Variants in TLN2 observed in about 807,000 individuals in gnomAD.
The protein encoded by TLN2 is talin 2, also known as talin-2.
Under a neutral mutation model 294.7 loss-of-function variants are expected in TLN2, and 118 were observed. The observed-to-expected ratio is 0.40, with a 90% CI of 0.34 to 0.47. The LOEUF (loss-of-function observed/expected upper bound fraction) is 0.47, where lower values mean the gene tolerates loss of function less well. Ranked by LOEUF, TLN2 falls within the 20% of genes least tolerant of loss-of-function variation. The pLI is 0.84. For missense variants in TLN2, 3,083 were observed against 3,282.2 expected (o/e 0.94, Z 1.48); for synonymous variants, 1,431 against 1,304.5 (o/e 1.10, Z -2.09).
intron 18 of TLN2, 44 bp downstream of exon 18, chr15:62,702,244 G>T: frequency 6.5e-7 from 1 of 1,531,542 alleles, no homozygotes; most frequent in South Asian, 1.2e-5. Flanking sequence ...TGATGGGACA[G>T]CTGCATCCAC....
chr15:62,454,039 A>T (rs2036317509), intron 1 of TLN2, among the ~76,000 whole-genome samples: 1 of 152,082 alleles, frequency 6.6e-6, no homozygotes, highest in Admixed American at 6.5e-5. Flanking sequence ...TGCCTGCTGC[A>T]AGGGCCCCTG....
Position 62,402,518 on chromosome 15 carries a change from C to T in TLN2, c.-238+11833C>T, listed in dbSNP as rs556923930. Among the ~76,000 whole-genome samples, 44 of 152,288 alleles carry T rather than the reference C, an allele frequency of 2.9e-4. No homozygotes were observed. The South Asian group carries it at 6.8e-3, about 24-fold the overall frequency. The stretch of plus-strand genomic sequence containing the variant: ...ACCCTCAACTACCTTGACCTTTCCC[C>T]GCTTTGTCTTACTGTCCTCGGAAAG... On this transcript the variant is annotated intron_variant, in intron 1 of 58. Transcript: ENST00000636159.
intron 12 of TLN2, among the ~76,000 whole-genome samples, chr15:62,689,511 T>G (rs2057593720): frequency 6.6e-6 from 1 of 152,176 alleles, no homozygotes; most frequent in Non-Finnish European, 1.5e-5. Context: ...AGCCTTCTTC[T>G]GTTATCATTT....
At chr15:62,620,581 CA>C (rs936197939) in intron 3 of TLN2, among the ~76,000 whole-genome samples, 18 of 151,720 alleles carry the variant, frequency 1.2e-4, no homozygotes, top group African/African-American at 3.9e-4. Flanking sequence ...TGGGCTCAAG[CA>C]ATCCTCCTAC....
intron 12 of TLN2, among the ~76,000 whole-genome samples, chr15:62,689,843 C>CTTTTT (rs2057625580): frequency 5.9e-5 from 1 of 16,972 alleles, no homozygotes; most frequent in Non-Finnish European, 2.1e-4. Context: ...TTGGTATGGG[C>CTTTTT]TTCTTTTTTT....
At chr15:62,551,486 A>G (rs2042301471) in intron 1 of TLN2, among the ~76,000 whole-genome samples, 2 of 150,968 alleles carry the variant, frequency 1.3e-5, no homozygotes, top group South Asian at 2.1e-4. Flanking sequence ...CCTGGCCAAC[A>G]TAGTGAAAGC....
chr15:62,622,216 A>G (rs894095303), intron 3 of TLN2, among the ~76,000 whole-genome samples: 1 of 152,234 alleles, frequency 6.6e-6, no homozygotes, highest in African/African-American at 2.4e-5. Flanking sequence ...ACTGAGGATC[A>G]GAAAATTAAA....
intron 21 of TLN2, among the ~76,000 whole-genome samples, chr15:62,711,407 C>T (rs1040861128): frequency 3.9e-5 from 6 of 152,130 alleles, no homozygotes; most frequent in Non-Finnish European, 7.4e-5. Context: ...AGCTAATAAG[C>T]GAAGGCCAAA....
intron 2 of TLN2, among the ~76,000 whole-genome samples, chr15:62,602,635 G>A (rs1358389110): frequency 6.6e-6 from 1 of 152,176 alleles, no homozygotes; most frequent in East Asian, 1.9e-4. Flanking sequence ...AGTGTCTGGT[G>A]AGGGTGCACT....
Position 62,455,340 on chromosome 15 carries a change from A to G in TLN2, c.-238+64655A>G, listed in dbSNP as rs141764189. Among the ~76,000 whole-genome samples the G allele has an allele frequency of 6.6e-3, 999 of 152,226 alleles. 6 individuals are homozygous for G. The highest frequency in any genetic ancestry group is 0.011 in the Non-Finnish European group (721 of 68,014). On this transcript the variant is annotated intron_variant, in intron 1 of 58. Transcript: ENST00000636159. ...GTGCACTTCAGCCGCGCCTTCAGCA[A>G]TCTGCAGAATGTCAAAAAGCCAGTG... is the stretch of plus-strand genomic sequence containing the variant.
At chr15:62,764,138 A>G (rs2062846064) in intron 40 of TLN2, among the ~76,000 whole-genome samples, 1 of 152,222 alleles carries the variant, frequency 6.6e-6, no homozygotes, top group Non-Finnish European at 1.5e-5. Flanking sequence ...TTCAGAGATC[A>G]AGGATTCTGC....
Position 62,707,071 on chromosome 15 carries a change from A to C in TLN2, c.2005-15A>C. Reference sequence around the variant, plus strand: ...GAGAAAAATAAATGAATAGTCTTTGATTCCCTTTTCTTAGGATGTTTTAAT... The same window carrying C: ...GAGAAAAATAAATGAATAGTCTTTGCTTCCCTTTTCTTAGGATGTTTTAAT... On this transcript the variant is annotated splice_polypyrimidine_tract_variant and intron_variant, in intron 19 of 58. Transcript: ENST00000636159. The C allele has an allele frequency of 1.3e-6, 2 of 1,599,408 alleles. No homozygotes were observed. Among genetic ancestry groups the C allele is most frequent in the Non-Finnish European group, 1.7e-6 (2 of 1,169,440 alleles).
intron 1 of TLN2, among the ~76,000 whole-genome samples, chr15:62,436,352 G>C (rs1199365150): frequency 6.6e-6 from 1 of 152,250 alleles, no homozygotes; most frequent in African/African-American, 2.4e-5. Context: ...GGCAACTGCA[G>C]GGAGTGCTGT....
chr15:62,522,416 G>T (rs1423032394), intron 1 of TLN2, among the ~76,000 whole-genome samples: 2 of 152,172 alleles, frequency 1.3e-5, no homozygotes, highest in Non-Finnish European at 2.9e-5. Flanking sequence ...GGCTGTGGTG[G>T]TCCATTCTCG....
intron 1 of TLN2, among the ~76,000 whole-genome samples, chr15:62,413,073 A>G (rs1024842463): frequency 5.3e-5 from 8 of 152,196 alleles, no homozygotes; most frequent in African/African-American, 1.4e-4. Context: ...AACAATGCCA[A>G]TGTCTCCTCC....
chr15:62,547,494 T>G (rs2042059494), intron 1 of TLN2, among the ~76,000 whole-genome samples: 1 of 152,242 alleles, frequency 6.6e-6, no homozygotes, highest in East Asian at 1.9e-4. Context: ...AACCTCTGTT[T>G]ATTCATGTTC....
rs778824933 is a variant in TLN2 at position 62,702,182 on chromosome 15, G to T, written c.1887G>T (p.Val629=). 1 of 1,603,270 alleles carries T rather than the reference G, an allele frequency of 6.2e-7. No individual in the cohort carries two copies. The change falls in exon 18 of 59, where the codon GTG becomes GTT. Residue 629 remains valine (V), a synonymous_variant. Transcript: ENST00000636159. ...AGAVSDLLKA[V]QPTSGEPRQT... ...CGGTGTCAGACTTGCTGAAAGCTGT[G>T]CAGCCTACTTCTGGAGAGGTAAGCT... is the stretch of plus-strand genomic sequence containing the variant.
At chr15:62,769,469 T>G (rs1553104) in intron 41 of TLN2, among the ~76,000 whole-genome samples, 1 of 152,144 alleles carries the variant, frequency 6.6e-6, no homozygotes, top group South Asian at 2.1e-4. Context: ...TAAAATTCAT[T>G]CAAAGGCTCC....
In TLN2 at chr15:62,708,754, A is replaced by C; in HGVS notation, c.2425A>C (p.Met809Leu). Residue 809 changes from methionine (M) to leucine (L), a missense_variant, in exon 21 of 59, where the codon ATG becomes CTG. Transcript: ENST00000636159. ...GRYDQATDTI[M>L]CVTESIFSSM... ...CTACGACCAGGCTACTGACACCATCATGTGTGTCACCGAGAGCATCTTCAG... is the reference window on the plus strand; with the variant it reads ...CTACGACCAGGCTACTGACACCATCCTGTGTGTCACCGAGAGCATCTTCAG... 6.2e-7 allele frequency: 1 copy of C among 1,608,648 alleles called. No individual in the cohort carries two copies. The highest frequency in any genetic ancestry group is 1.3e-5 in the African/African-American group (1 of 75,012).
Sources: allele counts gnomAD v4.1 joint callset (sites outside exome capture counted in the v4.1 genomes callset), GRCh38; gene constraint gnomAD v4.1.1; transcripts MANE v1.5; gene names NCBI Gene and HGNC (gene_info 2026-07-23, HGNC 2026-07-21).